The following YAP1 variants were observed in gnomAD, a reference collection of about 807,000 sequenced individuals.
YAP1 encodes transcriptional coactivator YAP1.
A neutral mutation model predicts 56.9 loss-of-function variants in YAP1; 5 were observed. That is an observed-to-expected ratio of 0.09 (90% confidence interval 0.05 to 0.18). The LOEUF (loss-of-function observed/expected upper bound fraction) is 0.18. Among genes scored for constraint, YAP1 ranks in the 10% least tolerant of loss-of-function variants. The pLI, the probability that YAP1 is intolerant of heterozygous loss-of-function variation, is 1.00. For synonymous variants in YAP1, 265 were observed against 248.1 expected (o/e 1.07, Z -0.64); for missense variants, 539 against 651.8 (o/e 0.83, Z 1.88).
At position 102,229,845 on chromosome 11, in the gene YAP1, C is replaced by T. The variant is rs1326609417; in HGVS notation, c.1420C>T (p.Leu474=). 4.3e-6 allele frequency: 7 copies of T among 1,614,026 alleles called. No homozygotes were observed. The highest frequency in any genetic ancestry group is 5.9e-6 in the Non-Finnish European group (7 of 1,180,004). ...AGAAGGAGAGGAGCTGATGCCAAGTCTGCAGGAAGCTTTGAGTTCTGACAT... is the reference window on the plus strand; with the variant it reads ...AGAAGGAGAGGAGCTGATGCCAAGTTTGCAGGAAGCTTTGAGTTCTGACAT... ...NIEGEELMPS[L]QEALSSDILN... Residue 474 remains leucine, a synonymous_variant, in exon 9 of 9, where the codon CTG becomes TTG. Transcript: ENST00000282441.
chr11:102,154,537 T>C (rs1215092412), intron 2 of YAP1, among the ~76,000 whole-genome samples: 2 of 152,134 alleles, frequency 1.3e-5, no homozygotes, highest in Non-Finnish European at 2.9e-5. Context: ...CAGCATGTTA[T>C]AATCATACAA....
intron 6 of YAP1, among the ~76,000 whole-genome samples, chr11:102,218,864 A>G (rs112691126): frequency 6.6e-5 from 10 of 152,214 alleles, no homozygotes; most frequent in African/African-American, 2.4e-4. Context: ...AGTAAAAAGT[A>G]AAAATTTCAC....
At chr11:102,206,837 G>A (rs1431565903) in intron 5 of YAP1, among the ~76,000 whole-genome samples, 1 of 152,158 alleles carries the variant, frequency 6.6e-6, no homozygotes, top group Admixed American at 6.5e-5. Flanking sequence ...GTGAGATTCT[G>A]TCTCAAAAAC....
intron 3 of YAP1, among the ~76,000 whole-genome samples, chr11:102,184,076 CAAAAAA>C (rs1226783169): frequency 2.1e-5 from 1 of 47,184 alleles, no homozygotes. Context: ...GACTCCGTCT[CAAAAAA>C]AAAAAAAAAA....
chr11:102,198,504 A>ATG (rs1411631530), intron 4 of YAP1, among the ~76,000 whole-genome samples: 2 of 152,350 alleles, frequency 1.3e-5, no homozygotes, highest in African/African-American at 4.8e-5. Flanking sequence ...GCTTATCCAA[A>ATG]TGTTTCTTAA....
At chr11:102,147,918 G>A (rs571585604) in intron 2 of YAP1, among the ~76,000 whole-genome samples, 4 of 152,262 alleles carry the variant, frequency 2.6e-5, no homozygotes, top group Non-Finnish European at 5.9e-5. Context: ...ATATTAGAAT[G>A]ATAGTCATGT....
intron 3 of YAP1, among the ~76,000 whole-genome samples, chr11:102,172,096 C>T (rs569979495): frequency 6.6e-6 from 1 of 151,202 alleles, no homozygotes; most frequent in Admixed American, 6.6e-5. Context: ...GGGAGGCTGA[C>T]ACAGGAGAAT....
intron 1 of YAP1, among the ~76,000 whole-genome samples, chr11:102,111,945 AC>A (rs1942954172): frequency 6.7e-6 from 1 of 149,482 alleles, no homozygotes; most frequent in Non-Finnish European, 1.5e-5. Flanking sequence ...GAGTTCTTTC[AC>A]CCCTGCTCTT....
chr11:102,213,299 ACATGGT>A (rs1949499601), intron 6 of YAP1, among the ~76,000 whole-genome samples: 1 of 152,122 alleles, frequency 6.6e-6, no homozygotes, highest in African/African-American at 2.4e-5. Flanking sequence ...AGCCTGGTCA[ACATGGT>A]GAAACCCGTC....
chr11:102,172,410 C>T (rs1362474046), intron 3 of YAP1, among the ~76,000 whole-genome samples: 1 of 137,348 alleles, frequency 7.3e-6, no homozygotes, highest in Non-Finnish European at 1.5e-5. Context: ...TTCACGGGCT[C>T]AAGTGATTCT....
intron 3 of YAP1, among the ~76,000 whole-genome samples, chr11:102,185,143 T>C (rs1053494816): frequency 2.6e-5 from 4 of 152,170 alleles, no homozygotes; most frequent in Non-Finnish European, 5.9e-5. Flanking sequence ...CTGTTGGAAA[T>C]GGGAACTGGG....
At chr11:102,152,433 G>A (rs4754040) in intron 2 of YAP1, among the ~76,000 whole-genome samples, 3 of 152,176 alleles carry the variant, frequency 2.0e-5, no homozygotes, top group East Asian at 1.9e-4. Context: ...CTGTAGATTC[G>A]CCTCGATTTG....
At chr11:102,219,067 A>G (rs1026608630) in intron 6 of YAP1, among the ~76,000 whole-genome samples, 4 of 152,338 alleles carry the variant, frequency 2.6e-5, no homozygotes, top group East Asian at 1.9e-4. Flanking sequence ...TTAGTGTTAT[A>G]TATTTGTTTT....
At position 102,110,878 on chromosome 11, in the gene YAP1, A is replaced by C; in HGVS notation, c.30A>C (p.Gln10His). 6.3e-6 allele frequency: 9 copies of C among 1,421,726 alleles called. No homozygotes were observed. The highest frequency in any genetic ancestry group is 8.3e-6 in the Non-Finnish European group (9 of 1,085,446). The allele number at this position is 1,421,726 out of a possible 1,614,324, so 88.1% of individuals were successfully genotyped here. The change falls in exon 1 of 9, where the codon CAA (glutamine) becomes CAC (histidine). Residue 10 changes from glutamine (Q) to histidine (H), a missense_variant. Transcript: ENST00000282441. ...ATCCCGGGCAGCAGCCGCCGCCTCAACCGGCCCCCCAGGGCCAAGGGCAGC... is the reference window on the plus strand; with the variant it reads ...ATCCCGGGCAGCAGCCGCCGCCTCACCCGGCCCCCCAGGGCCAAGGGCAGC... MDPGQQPPP[Q>H]PAPQGQGQPP... is the part of the protein sequence containing the mutation.
Position 102,186,020 on chromosome 11 carries a change from C to A in YAP1, c.691C>A (p.Pro231Thr), listed in dbSNP as rs747942049. Residue 231 changes from proline (P) to threonine (T), a missense_variant and splice_region_variant, in exon 4 of 9, where the codon CCT becomes ACT. Pro to Thr is a conservative substitution (Grantham distance 38, BLOSUM62 -1). Around this residue, in one of 4 missense-constraint regions of YAP1, gnomAD observed 414 missense variants for 512.4 expected, o/e 0.81. Coordinates refer to ENST00000282441, the MANE Select transcript of YAP1 (RefSeq NM_001130145.3). ...TTTTTTTTTTTTCTGTATTATAGGT[C>A]CTCTTCCTGATGGATGGGAACAAGC... ...QQNMMNSASG[P>T]LPDGWEQAMT... The A allele has an allele frequency of 3.2e-6, 5 of 1,577,376 alleles. No homozygotes were observed. The highest frequency in any genetic ancestry group is 1.9e-5 in the Admixed American group (1 of 53,388).
intron 4 of YAP1, among the ~76,000 whole-genome samples, chr11:102,196,216 T>C (rs1259666477): frequency 6.6e-6 from 1 of 152,040 alleles, no homozygotes; most frequent in African/African-American, 2.4e-5. Context: ...TGGGAACGTA[T>C]GTCTCCACGT....
At chr11:102,209,462 C>A (rs1949285986) in intron 5 of YAP1, 55 bp from the exon 6 acceptor site, 1 of 1,498,814 alleles carries the variant, frequency 6.7e-7, no homozygotes, top group Non-Finnish European at 9.2e-7. Flanking sequence ...TCAGCCTACA[C>A]AGCCAGACCA....
At position 102,111,250 on chromosome 11, in the gene YAP1, C is replaced by T. The variant is rs1207525981; in HGVS notation, c.321+81C>T. 6 of 1,550,086 alleles carry T rather than the reference C, an allele frequency of 3.9e-6. No homozygotes were observed. In the Admixed American group the frequency reaches 7.0e-5, roughly 18 times the overall value. ...GGCGCTCGGGAGCCGCGGCCGCCAG[C>T]TCTGGTCAGGGGAGGGGGGTTGCGG... On this transcript the variant is annotated intron_variant, in intron 1 of 8. Coordinates refer to ENST00000282441, the MANE Select transcript of YAP1 (RefSeq NM_001130145.3).
At chr11:102,168,790 A>G (rs1013463741) in intron 3 of YAP1, among the ~76,000 whole-genome samples, 4 of 152,222 alleles carry the variant, frequency 2.6e-5, no homozygotes, top group Admixed American at 6.5e-5. Context: ...AGCACTGAAG[A>G]TCAAATGAGA....
Sources: gnomAD v4.1 joint callset for allele counts (sites outside exome capture counted in the v4.1 genomes callset) on GRCh38, gnomAD v4.1.1 for gene constraint, gnomAD v4.1.1 regional missense constraint, MANE v1.5 for transcripts, NCBI Gene and HGNC (gene_info 2026-07-23, HGNC 2026-07-21) for gene names.